The following KAZN variants were observed in gnomAD, a reference collection of about 807,000 sequenced individuals.
The protein encoded by KAZN is kazrin.
Under a neutral mutation model 87.4 loss-of-function variants are expected in KAZN, and 40 were observed. The ratio of observed to expected loss-of-function variants is 0.46; its 90% CI spans 0.36 to 0.60. KAZN has a LOEUF of 0.60. Among genes scored for constraint, KAZN ranks in the 20% least tolerant of loss-of-function variants. The pLI, the probability that KAZN is intolerant of heterozygous loss-of-function variation, is 0.00. For synonymous variants in KAZN, 466 were observed against 458.3 expected, an observed-to-expected ratio of 1.02 and a Z score of -0.22; for missense variants, 898 against 1,073.9, an observed-to-expected ratio of 0.84 and a Z score of 2.29.
At chr1:15,110,527 G>GTT (rs1641559015) in intron 13 of KAZN, among the ~76,000 whole-genome samples, 1 of 140,164 alleles carries the variant, frequency 7.1e-6, no homozygotes, top group African/African-American at 2.7e-5. Context: ...GTGTGTATGT[G>GTT]TTTGTGTGTG....
intron 2 of KAZN, among the ~76,000 whole-genome samples, chr1:14,576,586 A>G (rs973093598): frequency 6.6e-6 from 1 of 152,224 alleles, no homozygotes; most frequent in Non-Finnish European, 1.5e-5. Flanking sequence ...GGGGGCTTCT[A>G]TGTAATAAAT....
intron 2 of KAZN, among the ~76,000 whole-genome samples, chr1:15,027,070 CTTT>C (rs71000358): frequency 0.027 from 1,521 of 55,992 alleles, 37 homozygotes; most frequent in African/African-American, 0.098. Context: ...GCCAGTGCTT[CTTT>C]TTTTTTTTTT....
intron 1 of KAZN, among the ~76,000 whole-genome samples, chr1:13,894,730 C>A (rs927636971): frequency 2.6e-5 from 4 of 152,136 alleles, no homozygotes; most frequent in East Asian, 1.9e-4. Context: ...GCAGACTGCA[C>A]CCCCCTTCCT....
At chr1:15,104,224 C>T (rs764168745) in intron 13 of KAZN, 35 bp downstream of exon 13, 13 of 1,541,862 alleles carry the variant, frequency 8.4e-6, no homozygotes, top group Non-Finnish European at 9.6e-6. Flanking sequence ...ATGTGGGCTG[C>T]TGGGTACAGT....
rs56221437 is a variant in KAZN, at chr1:13,920,243, C to CAAAAA, written c.91+26503_91+26507dup. Among the ~76,000 whole-genome samples the CAAAAA allele has an allele frequency of 1.4e-3, 97 of 71,660 alleles. 1 individual carries two copies. Among genetic ancestry groups the CAAAAA allele is most frequent in the African/African-American group, 3.8e-3 (79 of 20,538 alleles). The allele number at this position is 71,660 out of a possible 152,430, so 47.0% of individuals were successfully genotyped here. On this transcript the variant is annotated intron_variant, in intron 1 of 16. Transcript: ENST00000636203. ...CCAGTGACACAGCGAGACCCTGTCT[C>CAAAAA]AAAAAAAAAAAAAAAAAAAAGGTTA...
intron 2 of KAZN, among the ~76,000 whole-genome samples, chr1:14,992,949 G>A (rs1470916080): frequency 1.3e-5 from 2 of 151,234 alleles, no homozygotes; most frequent in East Asian, 4.0e-4. Context: ...CAGCCAAAAT[G>A]GTTAAGATGG....
intron 1 of KAZN, among the ~76,000 whole-genome samples, chr1:14,174,498 G>T (rs1435592261): frequency 6.6e-6 from 1 of 152,088 alleles, no homozygotes; most frequent in Non-Finnish European, 1.5e-5. Flanking sequence ...ATTATACAAG[G>T]CAGGCTCTAA....
At chr1:15,083,295 A>C (rs1265403828) in intron 8 of KAZN, among the ~76,000 whole-genome samples, 1 of 152,162 alleles carries the variant, frequency 6.6e-6, no homozygotes, top group Admixed American at 6.5e-5. Context: ...CAGGGCAAAA[A>C]TGGTGGAAAG....
In KAZN at chr1:14,769,643, C is replaced by T. The variant is rs1239650735; in HGVS notation, c.226+170420C>T. 2.0e-5 allele frequency among the ~76,000 whole-genome samples: 3 copies of T among 152,180 alleles called. No homozygotes were observed. Among genetic ancestry groups the T allele is most frequent in the African/African-American group, 4.8e-5 (2 of 41,420 alleles). The stretch of plus-strand genomic sequence containing the variant: ...TCCTGGGATTACAGGCGTGAGCCAC[C>T]GTGCCCGGCCTGCCCTTCCAGGTCT... On this transcript the variant is annotated intron_variant, in intron 1 of 14. Transcript: ENST00000376030. This position sits in a 1 kb window ranked among gnomAD's most constrained non-coding sequence, Gnocchi z 4.1.
chr1:14,495,633 A>T (rs1669898773), intron 2 of KAZN, among the ~76,000 whole-genome samples: 1 of 152,160 alleles, frequency 6.6e-6, no homozygotes, highest in Non-Finnish European at 1.5e-5. Flanking sequence ...AGAAGTGATT[A>T]TATTAGGATC....
At chr1:14,037,282 A>G (rs905592617) in intron 1 of KAZN, among the ~76,000 whole-genome samples, 1 of 152,194 alleles carries the variant, frequency 6.6e-6, no homozygotes, top group African/African-American at 2.4e-5. Context: ...GCCTATTGCT[A>G]GACATTCCAT....
At chr1:14,586,921 G>C (rs1358016021) in intron 2 of KAZN, among the ~76,000 whole-genome samples, 4 of 152,034 alleles carry the variant, frequency 2.6e-5, no homozygotes. Flanking sequence ...CCACAAATTG[G>C]GTGATGTTTT....
At chr1:14,260,661 C>T (rs761612622) in intron 2 of KAZN, among the ~76,000 whole-genome samples, 24 of 152,156 alleles carry the variant, frequency 1.6e-4, no homozygotes, top group African/African-American at 5.1e-4. Context: ...GACACGGGCC[C>T]GGCTGGCAGG....
chr1:14,071,831 G>A (rs1307314041), intron 1 of KAZN, among the ~76,000 whole-genome samples: 2 of 152,210 alleles, frequency 1.3e-5, no homozygotes, highest in Non-Finnish European at 2.9e-5. Flanking sequence ...AGAGCTGGCG[G>A]TTCTGCCTGA....
At chr1:14,229,348 G>A (rs758071589) in intron 2 of KAZN, among the ~76,000 whole-genome samples, 2 of 152,096 alleles carry the variant, frequency 1.3e-5, no homozygotes, top group African/African-American at 2.4e-5. Flanking sequence ...AAAAGCCTTC[G>A]AGTGCTTCGT....
chr1:14,034,257 G>T (rs141594979), intron 1 of KAZN, among the ~76,000 whole-genome samples: 57 of 152,268 alleles, frequency 3.7e-4, no homozygotes, highest in Non-Finnish European at 7.6e-4. Context: ...TTAGATGTAG[G>T]AGGATACAAG....
rs866696284 is a variant in KAZN, at chr1:14,500,114, C to A, written c.250-98869C>A. Among the ~76,000 whole-genome samples, 8 of 152,020 alleles carry A rather than the reference C, an allele frequency of 5.3e-5. 1 individual carries two copies. Among genetic ancestry groups the A allele is most frequent in the South Asian group, 4.2e-4 (2 of 4,816 alleles). On this transcript the variant is annotated intron_variant, in intron 2 of 16. Coordinates refer to the KAZN transcript ENST00000636203. ...TAATACTTTCTATGAAAGAGAAGGC[C>A]ACAAAGGCAAAAGCACCCAGGGCCC... is the stretch of plus-strand genomic sequence containing the variant.
intron 1 of KAZN, among the ~76,000 whole-genome samples, chr1:13,985,967 G>A (rs558158314): frequency 1.8e-4 from 28 of 152,076 alleles, no homozygotes; most frequent in Non-Finnish European, 3.2e-4. Context: ...TGGCTATTAC[G>A]AATAGTGCTA....
intron 2 of KAZN, among the ~76,000 whole-genome samples, chr1:14,298,347 C>T (rs550456345): frequency 6.6e-6 from 1 of 152,204 alleles, no homozygotes; most frequent in Non-Finnish European, 1.5e-5. Context: ...GAAATCACCC[C>T]TGTGTTCCTC....
Sources: allele counts gnomAD v4.1 joint callset (sites outside exome capture counted in the v4.1 genomes callset), GRCh38; gene constraint gnomAD v4.1.1; non-coding constraint Gnocchi (gnomAD v3.1); transcripts MANE v1.5; gene names NCBI Gene and HGNC (gene_info 2026-07-23, HGNC 2026-07-21).